Variants in PCBP3 observed in about 807,000 individuals in gnomAD.
PCBP3 encodes the protein poly(rC)-binding protein 3.
Under a neutral mutation model 52.7 loss-of-function variants are expected in PCBP3, and 25 were observed. The ratio of observed to expected loss-of-function variants is 0.47; its 90% CI spans 0.35 to 0.66. PCBP3 has a LOEUF of 0.66. PCBP3 is among the 30% of genes least tolerant of loss of function. The pLI, the probability that PCBP3 is intolerant of heterozygous loss-of-function variation, is 0.01. For synonymous variants in PCBP3, 162 were observed against 183.0 expected, an observed-to-expected ratio of 0.89 and a Z score of 0.93; for missense variants, 391 against 490.3, an observed-to-expected ratio of 0.80 and a Z score of 1.91.
intron 6 of PCBP3, among the ~76,000 whole-genome samples, chr21:45,898,566 C>T (rs1265817794): frequency 1.3e-5 from 1 of 75,748 alleles, no homozygotes; most frequent in South Asian, 7.4e-4. Flanking sequence ...TCCCTCTACA[C>T]GCCATCCTCA....
At chr21:45,902,751 G>A (rs894299174) in intron 9 of PCBP3, among the ~76,000 whole-genome samples, 1 of 152,224 alleles carries the variant, frequency 6.6e-6, no homozygotes, top group African/African-American at 2.4e-5. Flanking sequence ...TGGGACCTTC[G>A]CTCTGCAGGT....
chr21:45,832,874 G>A (rs2093486192), intron 4 of PCBP3, among the ~76,000 whole-genome samples: 1 of 152,170 alleles, frequency 6.6e-6, no homozygotes, highest in Admixed American at 6.5e-5. Flanking sequence ...TCTTCACAAG[G>A]CGGCAGGAGA....
chr21:45,734,774 G>C (rs1603350158), intron 2 of PCBP3, among the ~76,000 whole-genome samples: 1 of 152,186 alleles, frequency 6.6e-6, no homozygotes, highest in East Asian at 1.9e-4. Context: ...TCTTTTGTCT[G>C]ACTTTTAAGT....
chr21:45,883,489 T>G (rs2095448279), intron 5 of PCBP3, among the ~76,000 whole-genome samples: 1 of 152,358 alleles, frequency 6.6e-6, no homozygotes, highest in East Asian at 1.9e-4. Context: ...AGTAATAAAG[T>G]CTTCAGCTGT....
At chr21:45,790,894 GTT>G (rs1294081375) in intron 4 of PCBP3, among the ~76,000 whole-genome samples, 3 of 152,172 alleles carry the variant, frequency 2.0e-5, no homozygotes, top group Admixed American at 6.5e-5. Context: ...GTTTTGAAGA[GTT>G]TTACTACAAA....
intron 4 of PCBP3, among the ~76,000 whole-genome samples, chr21:45,810,967 CATT>C (rs1353036647): frequency 1.3e-5 from 2 of 152,206 alleles, no homozygotes; most frequent in African/African-American, 2.4e-5. Flanking sequence ...AATAATCTCA[CATT>C]ATCATTTTAA....
intron 4 of PCBP3, among the ~76,000 whole-genome samples, chr21:45,784,590 G>A (rs1253627736): frequency 1.3e-5 from 2 of 152,160 alleles, no homozygotes; most frequent in African/African-American, 2.4e-5. Flanking sequence ...CCTGCCGAGT[G>A]CCTGCAATTG....
At chr21:45,730,073 T>A (rs1250557521) in intron 2 of PCBP3, among the ~76,000 whole-genome samples, 9 of 151,930 alleles carry the variant, frequency 5.9e-5, no homozygotes, top group Non-Finnish European at 1.2e-4. Context: ...TTTTATTCTT[T>A]ATTTCCTTTC....
At chr21:45,921,797 C>T (rs1381134515) in intron 13 of PCBP3, among the ~76,000 whole-genome samples, 4 of 141,690 alleles carry the variant, frequency 2.8e-5, no homozygotes, top group African/African-American at 5.8e-5. Flanking sequence ...CCAGCCTGGG[C>T]GACAGAACGA....
At chr21:45,772,678 A>G (rs1217635472) in intron 4 of PCBP3, among the ~76,000 whole-genome samples, 1 of 152,136 alleles carries the variant, frequency 6.6e-6, no homozygotes, top group Non-Finnish European at 1.5e-5. Context: ...TTACATTCCC[A>G]CCAATGATAT....
At chr21:45,807,224 A>C (rs1415793796) in intron 4 of PCBP3, among the ~76,000 whole-genome samples, 1 of 152,220 alleles carries the variant, frequency 6.6e-6, no homozygotes, top group Non-Finnish European at 1.5e-5. Context: ...AGGATATTCA[A>C]ATAGGAAGAA....
chr21:45,815,043 G>A (rs540878743), intron 4 of PCBP3, among the ~76,000 whole-genome samples: 1 of 122,884 alleles, frequency 8.1e-6, no homozygotes. Flanking sequence ...GTGATGAGTG[G>A]TGAGTGGTGA....
intron 2 of PCBP3, among the ~76,000 whole-genome samples, chr21:45,693,788 C>T (rs1002510272): frequency 2.0e-5 from 3 of 152,044 alleles, no homozygotes; most frequent in Non-Finnish European, 4.4e-5. Context: ...TATAAGAATA[C>T]TTTTAGCAAG....
intron 13 of PCBP3, among the ~76,000 whole-genome samples, chr21:45,920,216 C>T (rs1400324041): frequency 1.3e-5 from 2 of 152,308 alleles, no homozygotes; most frequent in South Asian, 2.1e-4. Flanking sequence ...TGACACCTTA[C>T]GGATTTCCTG....
chr21:45,847,388 A>G (rs1353117012), intron 4 of PCBP3, among the ~76,000 whole-genome samples: 1 of 152,044 alleles, frequency 6.6e-6, no homozygotes, highest in Non-Finnish European at 1.5e-5. Context: ...TTCACAGCCC[A>G]CCTCCATCCT....
chr21:45,925,251 G>C (rs1407242657), intron 13 of PCBP3, among the ~76,000 whole-genome samples: 2 of 152,254 alleles, frequency 1.3e-5, no homozygotes, highest in African/African-American at 4.8e-5. Flanking sequence ...TTCCACTAGA[G>C]GGAGAAGACA....
chr21:45,849,954 G>A lies in PCBP3; in HGVS notation c.-125-7G>A. On this transcript the variant is annotated splice_polypyrimidine_tract_variant and splice_region_variant and intron_variant, in intron 4 of 17. Coordinates refer to ENST00000681687, the MANE Select transcript of PCBP3 (RefSeq NM_001384156.1). ...CGCTCACACAGCCCTGTGTTTTTGT[G>A]TTTTAGGTCGGTAGGCTCCACGACA... is the stretch of plus-strand genomic sequence containing the variant. 2 of 842,058 alleles carry A rather than the reference G, an allele frequency of 2.4e-6. No individual in the cohort carries two copies. The highest frequency in any genetic ancestry group is 4.0e-6 in the Non-Finnish European group (2 of 503,088). The allele number at this position is 842,058 out of a possible 1,614,324, so 52.2% of individuals were successfully genotyped here. A position where few individuals can be genotyped will look rare whatever the true frequency, so the allele number is the denominator to read the frequency against.
chr21:45,822,125 ATC>A (rs1254327410), intron 4 of PCBP3, among the ~76,000 whole-genome samples: 4 of 152,162 alleles, frequency 2.6e-5, no homozygotes, highest in Admixed American at 1.3e-4. Context: ...AGCCTCCGGT[ATC>A]TCTCTGTGTT....
chr21:45,715,166 C>T lies in PCBP3; in HGVS notation c.-199-20226C>T, dbSNP rs117796434. 1.6e-3 allele frequency among the ~76,000 whole-genome samples: 245 copies of T among 152,168 alleles called. 6 individuals carry two copies. The East Asian group carries it at 0.044, about 27-fold the overall frequency. ...CACGTGGCTGGTGAAGATATGTACA[C>T]GTGAATGTGAGTACTGATTTGCCAT... On this transcript the variant is annotated intron_variant, in intron 2 of 17. Coordinates refer to ENST00000681687, the MANE Select transcript of PCBP3 (RefSeq NM_001384156.1).
Sources: allele counts gnomAD v4.1 joint callset (sites outside exome capture counted in the v4.1 genomes callset), GRCh38; gene constraint gnomAD v4.1.1; transcripts MANE v1.5; gene names NCBI Gene and HGNC (gene_info 2026-07-23, HGNC 2026-07-21).